The following KIF25 variants were observed in gnomAD, a reference collection of about 807,000 sequenced individuals.
KIF25 encodes the protein kinesin-like protein KIF25.
Under a neutral mutation model 32.9 loss-of-function variants are expected in KIF25, and 19 were observed. The ratio of observed to expected loss-of-function variants is 0.58; its 90% confidence interval spans 0.40 to 0.85. The LOEUF (loss-of-function observed/expected upper bound fraction) is 0.85. Ranked by LOEUF, KIF25 falls within the 40% of genes least tolerant of loss-of-function variation. KIF25 has a pLI of 0.00. For missense variants in KIF25, 485 were observed against 507.0 expected (o/e 0.96, Z 0.42); for synonymous variants, 225 against 213.7 (o/e 1.05, Z -0.46).
intron 5 of KIF25, among the ~76,000 whole-genome samples, chr6:168,021,057 T>G (rs948167207): frequency 2.0e-5 from 3 of 152,194 alleles, no homozygotes; most frequent in Non-Finnish European, 4.4e-5. Flanking sequence ...GTTGGAGGAC[T>G]CACACTACCC....
chr6:168,013,804 T>C (rs10945459), intron 4 of KIF25, among the ~76,000 whole-genome samples: 52,357 of 151,836 alleles, frequency 0.34, 9,288 homozygotes, highest in South Asian at 0.42. Context: ...CCCCTCTGCC[T>C]TCCTGGACTT....
intron 4 of KIF25, among the ~76,000 whole-genome samples, chr6:168,008,907 G>A (rs1798612327): frequency 6.6e-6 from 1 of 152,070 alleles, no homozygotes; most frequent in African/African-American, 2.4e-5. Context: ...AAACAATACT[G>A]ATTTTTTCAT....
intron 5 of KIF25, among the ~76,000 whole-genome samples, chr6:168,019,397 A>T (rs1430546138): frequency 1.3e-5 from 2 of 152,254 alleles, no homozygotes; most frequent in Admixed American, 6.5e-5. Context: ...AGTAGAGGAA[A>T]ATGTAAACAC....
At chr6:168,018,307 T>C (rs1798743203) in intron 5 of KIF25, among the ~76,000 whole-genome samples, 1 of 152,210 alleles carries the variant, frequency 6.6e-6, no homozygotes, top group Non-Finnish European at 1.5e-5. Context: ...CGTGAAACAG[T>C]CAACACTTTA....
chr6:168,041,890 C>G (rs548016811), intron 10 of KIF25, 79 bp from the exon 11 acceptor site: 1 of 1,415,412 alleles, frequency 7.1e-7, no homozygotes, highest in Admixed American at 2.1e-5. Context: ...AGAAGCTTCT[C>G]GGCTCTGACT....
chr6:168,017,538 C>T (rs927889028), intron 4 of KIF25, among the ~76,000 whole-genome samples: 6 of 152,270 alleles, frequency 3.9e-5, no homozygotes, highest in Non-Finnish European at 7.3e-5. Context: ...CCACTGGTTA[C>T]GATGGAATAT....
rs146728058 is a variant in KIF25 at position 168,017,204 on chromosome 6, C to CAG, written c.-162-767_-162-766dup. Among the ~76,000 whole-genome samples the CAG allele has an allele frequency of 5.1e-4, 78 of 151,810 alleles. 1 individual carries two copies. The highest frequency in any genetic ancestry group is 1.7e-3 in the African/African-American group (70 of 41,440). On this transcript the variant is annotated intron_variant, in intron 4 of 12. Coordinates refer to ENST00000643607, the MANE Select transcript of KIF25 (RefSeq NM_030615.4). ...ACATGTTATTGCAGACACACACACA[C>CAG]AGACACACACACTACTAAGAAGAAG...
intron 4 of KIF25, among the ~76,000 whole-genome samples, chr6:168,013,328 C>T (rs1034000467): frequency 1.3e-5 from 2 of 151,948 alleles, no homozygotes; most frequent in African/African-American, 4.8e-5. Flanking sequence ...GGTTTCCCTG[C>T]TGTGCAAGGC....
chr6:168,037,164 T>C (rs902422476), intron 8 of KIF25, among the ~76,000 whole-genome samples: 16 of 152,262 alleles, frequency 1.1e-4, no homozygotes, highest in African/African-American at 3.6e-4. Flanking sequence ...CAAACCCCAG[T>C]GCTGAACCTG....
chr6:168,011,053 C>T lies in KIF25; in HGVS notation c.-162-6920C>T, dbSNP rs536391003. On this transcript the variant is annotated intron_variant, in intron 4 of 12. Coordinates refer to ENST00000643607, the MANE Select transcript of KIF25 (RefSeq NM_030615.4). ...AGACAGCATATAGTTGGGTCTTGTTCTTTAATCTGTCAGGCAGTTTACATC... is the reference window on the plus strand; with the variant it reads ...AGACAGCATATAGTTGGGTCTTGTTTTTTAATCTGTCAGGCAGTTTACATC... 2.0e-5 allele frequency among the ~76,000 whole-genome samples: 3 copies of T among 152,114 alleles called. No homozygotes were observed. The South Asian group carries it at 6.2e-4, about 32-fold the overall frequency.
chr6:168,028,272 A>G (rs1004789964), intron 5 of KIF25, among the ~76,000 whole-genome samples: 11 of 152,026 alleles, frequency 7.2e-5, no homozygotes, highest in Admixed American at 3.9e-4. Context: ...CTGGTCTCAA[A>G]CTCTTGGGCT....
intron 5 of KIF25, among the ~76,000 whole-genome samples, chr6:168,023,691 G>A (rs1034720302): frequency 1.3e-5 from 2 of 152,208 alleles, no homozygotes; most frequent in African/African-American, 2.4e-5. Context: ...GTGAGCCACC[G>A]TGCCCAGCCA....
At chr6:168,032,443 A>G (rs979745007) in intron 7 of KIF25, among the ~76,000 whole-genome samples, 5 of 152,254 alleles carry the variant, frequency 3.3e-5, no homozygotes, top group African/African-American at 9.6e-5. Flanking sequence ...GACATAGCCT[A>G]TAGTGGGGTT....
intron 7 of KIF25, among the ~76,000 whole-genome samples, chr6:168,031,223 C>G (rs1445244076): frequency 6.6e-6 from 1 of 152,192 alleles, no homozygotes; most frequent in East Asian, 1.9e-4. Context: ...AGGGACTTTT[C>G]CCTTTGGGAA....
At chr6:168,029,119 A>G (rs1798904398) in intron 5 of KIF25, among the ~76,000 whole-genome samples, 1 of 152,198 alleles carries the variant, frequency 6.6e-6, no homozygotes, top group African/African-American at 2.4e-5. Flanking sequence ...TTGCAATATT[A>G]AATAGTATTG....
intron 5 of KIF25, among the ~76,000 whole-genome samples, chr6:168,028,597 T>G (rs1353811069): frequency 6.6e-6 from 1 of 152,098 alleles, no homozygotes; most frequent in Non-Finnish European, 1.5e-5. Context: ...AAAAAAATTG[T>G]AACAAAACTT....
chr6:168,029,846 C>G (rs1798916492), intron 6 of KIF25, among the ~76,000 whole-genome samples, 169 bp downstream of exon 6: 1 of 151,902 alleles, frequency 6.6e-6, no homozygotes, highest in Non-Finnish European at 1.5e-5. Context: ...CTCACCACAC[C>G]CTCTACATCA....
intron 2 of KIF25, among the ~76,000 whole-genome samples, chr6:168,000,327 T>C (rs1455826647): frequency 1.3e-5 from 1 of 79,882 alleles, no homozygotes; most frequent in African/African-American, 5.0e-5. Context: ...CCCTCCCCAC[T>C]CCCATCCTGA....
intron 2 of KIF25, among the ~76,000 whole-genome samples, chr6:168,000,268 C>T (rs953262798): frequency 1.6e-5 from 2 of 128,458 alleles, no homozygotes; most frequent in African/African-American, 6.0e-5. Context: ...CCTTCTCGCC[C>T]TCCCTCCATA....
Sources: gnomAD v4.1 joint callset for allele counts (sites outside exome capture counted in the v4.1 genomes callset) on GRCh38, gnomAD v4.1.1 for gene constraint, MANE v1.5 for transcripts, NCBI Gene and HGNC (gene_info 2026-07-23, HGNC 2026-07-21) for gene names.